KCNQ1: variants seen among roughly 807,000 people sequenced by gnomAD.
KCNQ1 encodes potassium voltage-gated channel subfamily Q member 1.
A neutral mutation model predicts 72.4 loss-of-function variants in KCNQ1; 49 were observed. That is an observed-to-expected ratio of 0.68 (90% CI 0.54 to 0.86). The LOEUF (loss-of-function observed/expected upper bound fraction) is 0.86, where lower values mean the gene tolerates loss of function less well. KCNQ1 is among the 40% of genes least tolerant of loss of function. KCNQ1 has a pLI of 0.00. For missense variants in KCNQ1, 790 were observed against 945.1 expected (o/e 0.84, Z 2.15); for synonymous variants, 450 against 412.6 (o/e 1.09, Z -1.10).
Position 2,493,411 on chromosome 11 carries a change from A to G in KCNQ1, c.387-34517A>G, listed in dbSNP as rs747684108. On this transcript the variant is annotated intron_variant, in intron 1 of 15. Transcript: ENST00000155840. This position sits in a 1 kb window ranked among gnomAD's most constrained non-coding sequence, Gnocchi z 5.3. ...TGCAATTGCTCTTGGTGTTTTAGTC[A>G]TGAAGTCCTTGCCCATGCCTATGTC... 2.8e-4 allele frequency among the ~76,000 whole-genome samples: 43 copies of G among 152,178 alleles called. No homozygotes were observed. The highest frequency in any genetic ancestry group is 2.6e-3 in the Admixed American group (39 of 15,270).
chr11:2,814,731 T>C (rs1847580523), intron 15 of KCNQ1, among the ~76,000 whole-genome samples: 1 of 151,994 alleles, frequency 6.6e-6, no homozygotes, highest in South Asian at 2.1e-4. Flanking sequence ...CAAGCAAGGG[T>C]GTCTCCCTTA....
rs144924971 is a variant in KCNQ1, at chr11:2,595,159, T to A, written c.1393+6305T>A. ...GAGAGCAAGTCTAAGTAACATATAT[T>A]GAGAAGAGAGTTTTATTTTATAAAA... is the stretch of plus-strand genomic sequence containing the variant. On this transcript the variant is annotated intron_variant, in intron 10 of 15. Coordinates refer to ENST00000155840, the MANE Select transcript of KCNQ1 (RefSeq NM_000218.3). The surrounding 1 kb of genome is among the most constrained non-coding windows in gnomAD (Gnocchi z 5.0). Among the ~76,000 whole-genome samples, 1 of 152,162 alleles carries A rather than the reference T, an allele frequency of 6.6e-6. No individual in the cohort carries two copies. The highest frequency in any genetic ancestry group is 1.5e-5 in the Non-Finnish European group (1 of 68,034).
Position 2,690,398 on chromosome 11 carries a change from A to T in KCNQ1, c.1514+28317A>T, listed in dbSNP as rs1047278541. ...GAACATGTGCCAGACCAAAAGAGCT[A>T]TCTCTCTCCCTGCGAAAGGCTGGGG... On this transcript the variant is annotated intron_variant, in intron 11 of 15. Coordinates refer to ENST00000155840, the MANE Select transcript of KCNQ1 (RefSeq NM_000218.3). The surrounding 1 kb of genome is among the most constrained non-coding windows in gnomAD (Gnocchi z 5.1). 7 of 398,590 alleles carry T rather than the reference A, an allele frequency of 1.8e-5. No individual in the cohort carries two copies. The highest frequency in any genetic ancestry group is 6.2e-4 in the Middle Eastern group (1 of 1,612). The allele number at this position is 398,590 out of a possible 1,614,324, so 24.7% of individuals were successfully genotyped here. A position where few individuals can be genotyped will look rare whatever the true frequency, so the allele number is the denominator to read the frequency against.
intron 15 of KCNQ1, among the ~76,000 whole-genome samples, chr11:2,798,395 C>T (rs1007882588): frequency 3.3e-5 from 5 of 152,306 alleles, no homozygotes; most frequent in African/African-American, 4.8e-5. Context: ...TCATCTGAGC[C>T]GTTCCCACAA....
chr11:2,527,887 G>T, intron 1 of KCNQ1, 41 bp from the exon 2 acceptor site: 1 of 1,573,528 alleles, frequency 6.4e-7, no homozygotes, highest in Non-Finnish European at 8.7e-7. Context: ...TGTGGGATGG[G>T]CAGAGGCCGT....
intron 11 of KCNQ1, among the ~76,000 whole-genome samples, chr11:2,763,473 A>G (rs1189705351): frequency 1.3e-5 from 2 of 152,196 alleles, no homozygotes; most frequent in Non-Finnish European, 2.9e-5. Context: ...AAGAAACAAA[A>G]AACTTTTTTG....
intron 1 of KCNQ1, among the ~76,000 whole-genome samples, chr11:2,505,535 G>A (rs1487030821): frequency 6.6e-6 from 1 of 152,064 alleles, no homozygotes; most frequent in Non-Finnish European, 1.5e-5. Context: ...TCTTCTGCCT[G>A]GTTGTTCTAT....
chr11:2,502,183 A>T (rs1405042603), intron 1 of KCNQ1, among the ~76,000 whole-genome samples: 1 of 152,246 alleles, frequency 6.6e-6, no homozygotes, highest in Non-Finnish European at 1.5e-5. Flanking sequence ...ACAGTAGTGG[A>T]AATCCTAGCT....
intron 1 of KCNQ1, chr11:2,521,399 TCTG>T: frequency 2.4e-6 from 1 of 423,894 alleles, no homozygotes; most frequent in Admixed American, 2.5e-5. Context: ...AAGGTGCCTC[TCTG>T]CTCATGTCCT....
chr11:2,515,651 C>T lies in KCNQ1; in HGVS notation c.387-12277C>T, dbSNP rs1246333087. ...ACCCTAGGCAGGCCTCTCACAGAGA[C>T]AAGACGAGTGTCCTAGGGCAGATAG... On this transcript the variant is annotated intron_variant, in intron 1 of 15. Coordinates refer to ENST00000155840, the MANE Select transcript of KCNQ1 (RefSeq NM_000218.3). This position sits in a 1 kb window ranked among gnomAD's most constrained non-coding sequence, Gnocchi z 4.7. Among the ~76,000 whole-genome samples, 1 of 152,148 alleles carries T rather than the reference C, an allele frequency of 6.6e-6. No individual in the cohort carries two copies. Among genetic ancestry groups the T allele is most frequent in the African/African-American group, 2.4e-5 (1 of 41,422 alleles).
At chr11:2,631,177 C>G (rs1849346535) in intron 10 of KCNQ1, 2 of 398,416 alleles carry the variant, frequency 5.0e-6, no homozygotes, top group African/African-American at 4.1e-5. Context: ...AATTAACTTT[C>G]TACCCTTTAC....
chr11:2,773,187 C>T (rs765448581), intron 12 of KCNQ1, among the ~76,000 whole-genome samples: 1 of 151,930 alleles, frequency 6.6e-6, no homozygotes, highest in Non-Finnish European at 1.5e-5. Context: ...AGTTCAACAA[C>T]CCGTCCTACA....
In KCNQ1 at chr11:2,516,819, C is replaced by T. The variant is rs1201231865; in HGVS notation, c.387-11109C>T. Among the ~76,000 whole-genome samples the T allele has an allele frequency of 6.6e-6, 1 of 152,174 alleles. No individual in the cohort carries two copies. The highest frequency in any genetic ancestry group is 1.5e-5 in the Non-Finnish European group (1 of 68,022). ...GGCCCAGAGGTGTGCCAGGGCTGCA[C>T]TGGGCTCTTCTGGTGGGGAGGGACA... On this transcript the variant is annotated intron_variant, in intron 1 of 15. Coordinates refer to ENST00000155840, the MANE Select transcript of KCNQ1 (RefSeq NM_000218.3). The surrounding 1 kb of genome is among the most constrained non-coding windows in gnomAD (Gnocchi z 7.0).
In KCNQ1 at chr11:2,445,391, G is replaced by A. The variant is rs749258352; in HGVS notation, c.293G>A (p.Arg98His). Residue 98 changes from arginine (R) to histidine (H), a missense_variant, in exon 1 of 16, where the codon CGC becomes CAC. Arg to His is a conservative substitution (Grantham distance 29). Transcript: ENST00000155840. ...DPRVSIYSTR[R>H]PVLARTHVQG... ...CGCGTCTCCATCTACAGCACGCGCC[G>A]CCCGGTGTTGGCGCGCACCCACGTC... The A allele has an allele frequency of 6.3e-7, 1 of 1,597,798 alleles. No individual in the cohort carries two copies. Among genetic ancestry groups the A allele is most frequent in the Non-Finnish European group, 8.5e-7 (1 of 1,179,622 alleles).
chr11:2,738,913 G>A (rs1002108301), intron 11 of KCNQ1, among the ~76,000 whole-genome samples: 9 of 152,228 alleles, frequency 5.9e-5, no homozygotes, highest in South Asian at 2.1e-4. Flanking sequence ...AGGTGCCTGC[G>A]GCCAGGTGGG....
At chr11:2,741,210 C>G (rs1710363420) in intron 11 of KCNQ1, among the ~76,000 whole-genome samples, 1 of 152,072 alleles carries the variant, frequency 6.6e-6, no homozygotes, top group South Asian at 2.1e-4. Flanking sequence ...AGGGGAGGCC[C>G]CTATGAGCTG....
intron 11 of KCNQ1, among the ~76,000 whole-genome samples, chr11:2,718,070 C>CTGCCTCTTCTGGAAGAGCCGGGT (rs2133925731): frequency 6.6e-6 from 1 of 152,130 alleles, no homozygotes; most frequent in African/African-American, 2.4e-5. Context: ...GTCTGTGGAG[C>CTGCCTCTTCTGGAAGAGCCGGGT]TGCCTCTTCT....
intron 11 of KCNQ1, among the ~76,000 whole-genome samples, chr11:2,741,804 C>G (rs1383117737): frequency 6.6e-6 from 1 of 152,214 alleles, no homozygotes; most frequent in Non-Finnish European, 1.5e-5. Context: ...TTCCAGGGAT[C>G]CTCCGCCTGT....
At chr11:2,685,813 T>C (rs1590031620) in intron 11 of KCNQ1, 1 of 398,684 alleles carries the variant, frequency 2.5e-6, no homozygotes, top group East Asian at 3.6e-5. Flanking sequence ...GAGAATGCGA[T>C]TCCTACTAGA....
Sources: allele counts gnomAD v4.1 joint callset (sites outside exome capture counted in the v4.1 genomes callset), GRCh38; gene constraint gnomAD v4.1.1; non-coding constraint Gnocchi (gnomAD v3.1); transcripts MANE v1.5; gene names NCBI Gene and HGNC (gene_info 2026-07-23, HGNC 2026-07-21).